Variants in TMEM132C observed in about 807,000 individuals in gnomAD.
The protein encoded by TMEM132C is protein phosphatase 1, regulatory subunit 152.
TMEM132C carries 29 observed loss-of-function variants against 61.4 expected under a neutral mutation model. The ratio of observed to expected loss-of-function variants is 0.47; its 90% CI spans 0.35 to 0.64. The LOEUF is 0.64. Ranked by LOEUF, TMEM132C falls within the 30% of genes least tolerant of loss-of-function variation. The pLI is 0.00. For synonymous variants in TMEM132C, 656 were observed against 633.1 expected (o/e 1.04, Z -0.54); for missense variants, 1,408 against 1,476.9 (o/e 0.95, Z 0.76).
At position 128,326,411 on chromosome 12, in the gene TMEM132C, G is replaced by T. The variant is rs1446592607; in HGVS notation, c.85+58924G>T. On this transcript the variant is annotated intron_variant, in intron 1 of 8. Coordinates refer to ENST00000435159, the MANE Select transcript of TMEM132C (RefSeq NM_001136103.3). The surrounding 1 kb of genome is among the most constrained non-coding windows in gnomAD (Gnocchi z 5.6). ...AAATTATAAAGATGAATACTTCTGA[G>T]CCTTTGGCTGACGCTTATCCCCCTC... 6.6e-6 allele frequency among the ~76,000 whole-genome samples: 1 copy of T among 151,772 alleles called. No homozygotes were observed. Among genetic ancestry groups the T allele is most frequent in the African/African-American group, 2.4e-5 (1 of 41,174 alleles).
At chr12:128,553,848 G>A (rs1273387958) in intron 3 of TMEM132C, among the ~76,000 whole-genome samples, 3 of 152,166 alleles carry the variant, frequency 2.0e-5, no homozygotes, top group African/African-American at 7.2e-5. Flanking sequence ...TGAGTGAAGG[G>A]GCCAGGGAAG....
intron 3 of TMEM132C, among the ~76,000 whole-genome samples, chr12:128,602,544 C>T (rs891286626): frequency 7.9e-5 from 12 of 152,234 alleles, no homozygotes; most frequent in Non-Finnish European, 1.5e-4. Flanking sequence ...TGGCTTCCTT[C>T]ACAGGGGTGT....
chr12:128,694,157 G>C, intron 6 of TMEM132C, 123 bp downstream of exon 6: 1 of 1,199,966 alleles, frequency 8.3e-7, no homozygotes. Flanking sequence ...TCTCCCCAGG[G>C]CTCCCAGATA....
chr12:128,571,420 T>G (rs554304181), intron 3 of TMEM132C, among the ~76,000 whole-genome samples: 1 of 152,346 alleles, frequency 6.6e-6, no homozygotes, highest in African/African-American at 2.4e-5. Context: ...AAATTGACCA[T>G]TTTAACCACA....
At chr12:128,396,949 C>T (rs1455253773) in intron 1 of TMEM132C, among the ~76,000 whole-genome samples, 1 of 152,212 alleles carries the variant, frequency 6.6e-6, no homozygotes, top group Non-Finnish European at 1.5e-5. Flanking sequence ...CAGTGGACAC[C>T]TTAGACATGT....
At chr12:128,481,343 A>G (rs1298744907) in intron 2 of TMEM132C, among the ~76,000 whole-genome samples, 1 of 152,080 alleles carries the variant, frequency 6.6e-6, no homozygotes, top group Non-Finnish European at 1.5e-5. Context: ...AGTGTGTCCA[A>G]GGTTGCTCAT....
chr12:128,545,052 A>G (rs1164601778), intron 3 of TMEM132C, among the ~76,000 whole-genome samples: 2 of 152,206 alleles, frequency 1.3e-5, no homozygotes, highest in South Asian at 2.1e-4. Context: ...GGTTTGGGGC[A>G]TGAATGATCC....
rs189822029 is a variant in TMEM132C at position 128,678,835 on chromosome 12, C to T, written c.1449+9275C>T. ...TCATGCTGAGGTTGAGAAGTCCCGC[C>T]CTAGGCCGAGCAGACACCACGGGGT... On this transcript the variant is annotated intron_variant, in intron 5 of 8. Transcript: ENST00000435159. 2.0e-5 allele frequency among the ~76,000 whole-genome samples: 3 copies of T among 152,314 alleles called. No individual in the cohort carries two copies. The East Asian group carries it at 5.8e-4, about 29-fold the overall frequency.
intron 2 of TMEM132C, among the ~76,000 whole-genome samples, chr12:128,487,764 C>T (rs186060100): frequency 6.6e-6 from 1 of 152,102 alleles, no homozygotes; most frequent in Admixed American, 6.5e-5. Context: ...CCCTGGGGCC[C>T]CTTCATAGTC....
At chr12:128,451,630 G>T (rs1335505799) in intron 2 of TMEM132C, among the ~76,000 whole-genome samples, 2 of 152,040 alleles carry the variant, frequency 1.3e-5, no homozygotes, top group Non-Finnish European at 2.9e-5. Flanking sequence ...AATTTGAAGG[G>T]GAGTAAGCAT....
At chr12:128,357,972 C>T (rs1409478878) in intron 1 of TMEM132C, among the ~76,000 whole-genome samples, 1 of 152,096 alleles carries the variant, frequency 6.6e-6, no homozygotes, top group Non-Finnish European at 1.5e-5. Context: ...GCTCAGGGGC[C>T]AGGAGTGTCC....
chr12:128,581,900 G>T (rs1875349877), intron 3 of TMEM132C, among the ~76,000 whole-genome samples: 1 of 152,200 alleles, frequency 6.6e-6, no homozygotes, highest in Non-Finnish European at 1.5e-5. Flanking sequence ...GGGGGTGCAG[G>T]CTGCCAGACT....
At chr12:128,435,908 C>G (rs1869572390) in intron 2 of TMEM132C, among the ~76,000 whole-genome samples, 1 of 152,170 alleles carries the variant, frequency 6.6e-6, no homozygotes, top group South Asian at 2.1e-4. Context: ...TACTACAAGG[C>G]TACAGTAACC....
chr12:128,529,516 G>C (rs1001771483), intron 2 of TMEM132C, among the ~76,000 whole-genome samples: 15 of 152,196 alleles, frequency 9.9e-5, no homozygotes, highest in African/African-American at 2.4e-4. Context: ...AGACGTGGTG[G>C]CTTACGCTTG....
At chr12:128,631,544 TAAAC>T (rs1404878866) in intron 4 of TMEM132C, among the ~76,000 whole-genome samples, 1 of 152,214 alleles carries the variant, frequency 6.6e-6, no homozygotes, top group African/African-American at 2.4e-5. Context: ...CTCTAAAAAT[TAAAC>T]AACGCATAGT....
At chr12:128,584,429 G>T (rs1293940466) in intron 3 of TMEM132C, among the ~76,000 whole-genome samples, 5 of 152,128 alleles carry the variant, frequency 3.3e-5, no homozygotes, top group Admixed American at 2.0e-4. Context: ...TGCACACACT[G>T]TATTTTTGCC....
At chr12:128,666,342 C>A (rs911143714) in intron 4 of TMEM132C, among the ~76,000 whole-genome samples, 71 of 152,164 alleles carry the variant, frequency 4.7e-4, no homozygotes, top group Non-Finnish European at 5.9e-4. Flanking sequence ...CACACACAGG[C>A]ACACACACAT....
intron 2 of TMEM132C, among the ~76,000 whole-genome samples, chr12:128,468,910 G>A (rs531696778): frequency 1.3e-5 from 2 of 152,274 alleles, no homozygotes; most frequent in East Asian, 3.9e-4. Flanking sequence ...ATGCGTCATG[G>A]TTCTAACAAA....
At chr12:128,361,416 G>A (rs1036202990) in intron 1 of TMEM132C, among the ~76,000 whole-genome samples, 1 of 152,086 alleles carries the variant, frequency 6.6e-6, no homozygotes, top group African/African-American at 2.4e-5. Context: ...TCAAATTTGC[G>A]GGCACCAACG....
Sources: gnomAD v4.1 joint callset for allele counts (sites outside exome capture counted in the v4.1 genomes callset) on GRCh38, gnomAD v4.1.1 for gene constraint, Gnocchi (gnomAD v3.1) non-coding constraint, MANE v1.5 for transcripts, NCBI Gene and HGNC (gene_info 2026-07-23, HGNC 2026-07-21) for gene names.